TUNAR: variants seen among roughly 807,000 people sequenced by gnomAD.
TUNAR encodes the protein protein TUNAR.
intron 2 of TUNAR, among the ~76,000 whole-genome samples, chr14:95,903,027 A>G (rs907990435): frequency 6.6e-6 from 1 of 152,190 alleles, no homozygotes; most frequent in Non-Finnish European, 1.5e-5. Context: ...ATTGTTTCCC[A>G]TTGAATCCAT....
intron 2 of TUNAR, among the ~76,000 whole-genome samples, chr14:95,885,182 G>A (rs987479955): frequency 6.6e-6 from 1 of 152,200 alleles, no homozygotes; most frequent in Non-Finnish European, 1.5e-5. Context: ...ATGCTTTTGG[G>A]TCTGACATTG....
At chr14:95,885,416 G>A (rs1005372042) in intron 2 of TUNAR, among the ~76,000 whole-genome samples, 8 of 152,182 alleles carry the variant, frequency 5.3e-5, no homozygotes, top group African/African-American at 1.9e-4. Context: ...AGTGACTGAC[G>A]TGCTCTGAGA....
intron 2 of TUNAR, among the ~76,000 whole-genome samples, chr14:95,919,889 G>T (rs1242129701): frequency 3.3e-5 from 5 of 152,152 alleles, no homozygotes; most frequent in Admixed American, 6.5e-5. Flanking sequence ...CAAATTTGCT[G>T]TATGTTAAAA....
At chr14:95,884,155 C>T (rs372504764) in intron 2 of TUNAR, among the ~76,000 whole-genome samples, 21 of 152,264 alleles carry the variant, frequency 1.4e-4, no homozygotes, top group East Asian at 1.2e-3. Context: ...GTTTGTTTCC[C>T]GTATGGTAGC....
intron 2 of TUNAR, among the ~76,000 whole-genome samples, chr14:95,915,984 T>C (rs2139671156): frequency 6.6e-6 from 1 of 152,314 alleles, no homozygotes; most frequent in South Asian, 2.1e-4. Flanking sequence ...ATATACCCAG[T>C]CTTTAAAACC....
intron 2 of TUNAR, among the ~76,000 whole-genome samples, chr14:95,880,409 C>T (rs1888961235): frequency 6.6e-6 from 1 of 152,130 alleles, no homozygotes; most frequent in East Asian, 1.9e-4. Flanking sequence ...ATGCCGGCTT[C>T]CCTATCAGAG....
chr14:95,882,911 AT>A (rs1889003985), intron 2 of TUNAR, among the ~76,000 whole-genome samples: 1 of 152,248 alleles, frequency 6.6e-6, no homozygotes, highest in Non-Finnish European at 1.5e-5. Flanking sequence ...AATAAAGTGA[AT>A]GCCCCTGAGA....
At chr14:95,915,170 C>G (rs1229998648) in intron 2 of TUNAR, among the ~76,000 whole-genome samples, 1 of 152,154 alleles carries the variant, frequency 6.6e-6, no homozygotes, top group Non-Finnish European at 1.5e-5. Flanking sequence ...AACAAAATAA[C>G]CTTGAATACC....
chr14:95,908,760 T>C (rs1889466351), intron 2 of TUNAR, among the ~76,000 whole-genome samples: 1 of 152,192 alleles, frequency 6.6e-6, no homozygotes, highest in South Asian at 2.1e-4. Context: ...TTTGAGCCCA[T>C]CATGAATCCA....
chr14:95,884,782 C>T (rs184122910), intron 2 of TUNAR, among the ~76,000 whole-genome samples: 319 of 152,302 alleles, frequency 2.1e-3, no homozygotes, highest in Non-Finnish European at 3.4e-3. Flanking sequence ...CCAAACACTG[C>T]GGTCCCCACA....
chr14:95,892,783 A>C (rs576729349), intron 2 of TUNAR, among the ~76,000 whole-genome samples: 2 of 152,300 alleles, frequency 1.3e-5, no homozygotes, highest in African/African-American at 2.4e-5. Context: ...GTGGGGTTCC[A>C]TGAGATGATG....
At chr14:95,897,658 G>C (rs1012090926) in intron 2 of TUNAR, among the ~76,000 whole-genome samples, 1 of 152,198 alleles carries the variant, frequency 6.6e-6, no homozygotes, top group African/African-American at 2.4e-5. Flanking sequence ...CATGCACTGG[G>C]ATGACCTTTT....
At chr14:95,904,984 C>T (rs73338752) in intron 2 of TUNAR, among the ~76,000 whole-genome samples, 14,572 of 152,228 alleles carry the variant, frequency 0.096, 1,793 homozygotes, top group African/African-American at 0.29. Flanking sequence ...TGGTTCACAT[C>T]CAGCACTCCT....
intron 2 of TUNAR, among the ~76,000 whole-genome samples, chr14:95,905,897 CA>C (rs1170170461): frequency 4.6e-5 from 7 of 152,140 alleles, no homozygotes; most frequent in Non-Finnish European, 4.4e-5. Flanking sequence ...TTACTTATGT[CA>C]ATGAAAACTC....
At chr14:95,885,964 C>T (rs1285202246) in intron 2 of TUNAR, among the ~76,000 whole-genome samples, 1 of 152,156 alleles carries the variant, frequency 6.6e-6, no homozygotes, top group Non-Finnish European at 1.5e-5. Flanking sequence ...TGCCCAGACC[C>T]CAACTCCACC....
intron 2 of TUNAR, among the ~76,000 whole-genome samples, chr14:95,889,755 G>A (rs1400557192): frequency 1.3e-5 from 2 of 152,018 alleles, no homozygotes; most frequent in Admixed American, 6.5e-5. Flanking sequence ...GCAGAGTACC[G>A]GAAGGGCCTC....
chr14:95,910,068 G>GT (rs1301323599), intron 2 of TUNAR, among the ~76,000 whole-genome samples: 7 of 152,218 alleles, frequency 4.6e-5, no homozygotes, highest in African/African-American at 1.7e-4. Flanking sequence ...GCAACTCGGT[G>GT]TATGATCATT....
intron 2 of TUNAR, among the ~76,000 whole-genome samples, chr14:95,885,538 A>G (rs1728666241): frequency 6.6e-6 from 1 of 152,142 alleles, no homozygotes; most frequent in African/African-American, 2.4e-5. Context: ...AAGGCCTTCT[A>G]GGTAGGAGGG....
chr14:95,908,337 G>T (rs1324176781), intron 2 of TUNAR, among the ~76,000 whole-genome samples: 1 of 152,216 alleles, frequency 6.6e-6, no homozygotes, highest in Non-Finnish European at 1.5e-5. Flanking sequence ...TGCACCCAGT[G>T]GGGTGGGGCT....
Sources: gnomAD v4.1 joint callset for allele counts (sites outside exome capture counted in the v4.1 genomes callset) on GRCh38, gnomAD v4.1.1 for gene constraint, MANE v1.5 for transcripts, NCBI Gene and HGNC (gene_info 2026-07-23, HGNC 2026-07-21) for gene names.